The following KANK4 variants were observed in gnomAD, a reference collection of about 807,000 sequenced individuals.
KANK4 encodes KN motif and ankyrin repeat domains 4.
Under a neutral mutation model 80.8 loss-of-function variants are expected in KANK4, and 50 were observed. That is an observed-to-expected ratio of 0.62 (90% CI 0.49 to 0.78). KANK4 has a LOEUF of 0.78. Ranked by LOEUF, KANK4 falls within the 30% of genes least tolerant of loss-of-function variation. The pLI is 0.00. For synonymous variants in KANK4, 465 were observed against 506.9 expected (o/e 0.92, Z 1.11); for missense variants, 1,196 against 1,240.1 (o/e 0.96, Z 0.53).
chr1:62,301,283 T>A (rs1285620542), intron 1 of KANK4, among the ~76,000 whole-genome samples: 1 of 152,028 alleles, frequency 6.6e-6, no homozygotes, highest in South Asian at 2.1e-4. Context: ...TATGTGGAAA[T>A]GTGTGCACGC....
At chr1:62,283,693 G>C (rs1672500392) in intron 1 of KANK4, among the ~76,000 whole-genome samples, 1 of 152,144 alleles carries the variant, frequency 6.6e-6, no homozygotes, top group East Asian at 1.9e-4. Flanking sequence ...CTTCTCCAAG[G>C]CTGGAGAAGC....
intron 1 of KANK4, among the ~76,000 whole-genome samples, chr1:62,317,128 A>T (rs1644548561): frequency 6.6e-6 from 1 of 152,148 alleles, no homozygotes; most frequent in African/African-American, 2.4e-5. Flanking sequence ...GGGCCGGGAA[A>T]GTGTTAGAGC....
intron 1 of KANK4, among the ~76,000 whole-genome samples, chr1:62,299,785 T>A (rs887712122): frequency 1.3e-5 from 2 of 150,932 alleles, no homozygotes; most frequent in Non-Finnish European, 3.0e-5. Flanking sequence ...TTGAAATTTG[T>A]AGGTAGGATG....
At chr1:62,291,655 T>C (rs978059566) in intron 1 of KANK4, among the ~76,000 whole-genome samples, 1 of 152,138 alleles carries the variant, frequency 6.6e-6, no homozygotes, top group African/African-American at 2.4e-5. Flanking sequence ...TCACCTAGGC[T>C]GGAGTGCAAT....
intron 7 of KANK4, among the ~76,000 whole-genome samples, chr1:62,255,085 C>T (rs2149126166): frequency 6.6e-6 from 1 of 151,862 alleles, no homozygotes; most frequent in South Asian, 2.1e-4. Context: ...CCGGGTTTCA[C>T]CATGTTGGTC....
chr1:62,299,456 A>G (rs1217189561), intron 1 of KANK4, among the ~76,000 whole-genome samples: 1 of 152,108 alleles, frequency 6.6e-6, no homozygotes, highest in African/African-American at 2.4e-5. Context: ...ATGACCCCAC[A>G]ACATGGCACA....
chr1:62,302,921 G>A (rs1644423339), intron 1 of KANK4, among the ~76,000 whole-genome samples: 2 of 152,072 alleles, frequency 1.3e-5, no homozygotes, highest in African/African-American at 4.8e-5. Context: ...TTACCCAAAG[G>A]GCCAGTCTGC....
intron 8 of KANK4, among the ~76,000 whole-genome samples, chr1:62,248,532 C>T (rs1033474524): frequency 1.5e-5 from 2 of 133,970 alleles, no homozygotes; most frequent in Non-Finnish European, 3.1e-5. Flanking sequence ...CTCAATATAC[C>T]TGGTTAGTTT....
chr1:62,301,136 G>A (rs1644408399), intron 1 of KANK4, among the ~76,000 whole-genome samples: 1 of 152,024 alleles, frequency 6.6e-6, no homozygotes, highest in Non-Finnish European at 1.5e-5. Flanking sequence ...CATGTGCTGG[G>A]AACACAGTAG....
At chr1:62,282,821 G>T (rs1034896078) in intron 1 of KANK4, among the ~76,000 whole-genome samples, 1 of 152,248 alleles carries the variant, frequency 6.6e-6, no homozygotes, top group African/African-American at 2.4e-5. Context: ...TCTAGAAGCA[G>T]AGACAATCCT....
At chr1:62,252,770 G>A (rs1671653605) in intron 8 of KANK4, among the ~76,000 whole-genome samples, 1 of 152,254 alleles carries the variant, frequency 6.6e-6, no homozygotes, top group South Asian at 2.1e-4. Flanking sequence ...TCTCAAGATG[G>A]CAACTGGGAA....
chr1:62,312,006 T>A (rs1023622674), intron 1 of KANK4, among the ~76,000 whole-genome samples: 1 of 152,176 alleles, frequency 6.6e-6, no homozygotes, highest in Non-Finnish European at 1.5e-5. Flanking sequence ...TTAACCTTTT[T>A]TGTGCCTTCA....
At chr1:62,298,926 A>G (rs922883164) in intron 1 of KANK4, among the ~76,000 whole-genome samples, 1 of 119,660 alleles carries the variant, frequency 8.4e-6, no homozygotes, top group East Asian at 2.1e-4. Context: ...CTATGTCTCT[A>G]TGTATTATTT....
At position 62,294,347 on chromosome 1, in the gene KANK4, G is replaced by A. The variant is rs113438219; in HGVS notation, c.-70-12713C>T. 5.7e-3 allele frequency among the ~76,000 whole-genome samples: 872 copies of A among 152,236 alleles called. 5 individuals carry two copies. Among genetic ancestry groups the A allele is most frequent in the African/African-American group, 0.02 (812 of 41,546 alleles). Reference sequence around the variant, plus strand: ...TTCCTCCCTCCTGGGTCACTTCAGCGAAAGCCTCTCAAGGGTAGGCACAAA... The same window carrying A: ...TTCCTCCCTCCTGGGTCACTTCAGCAAAAGCCTCTCAAGGGTAGGCACAAA... On this transcript the variant is annotated intron_variant, in intron 1 of 9. Transcript: ENST00000371153.
At chr1:62,256,679 G>A (rs1671760500) in intron 7 of KANK4, among the ~76,000 whole-genome samples, 1 of 152,124 alleles carries the variant, frequency 6.6e-6, no homozygotes, top group African/African-American at 2.4e-5. Flanking sequence ...CGTCGCGCCT[G>A]GCTACCCCAT....
intron 7 of KANK4, among the ~76,000 whole-genome samples, chr1:62,258,810 C>A (rs923442032): frequency 1.3e-5 from 2 of 152,096 alleles, no homozygotes; most frequent in South Asian, 2.1e-4. Context: ...GTAGGGGCAG[C>A]CACTTTAGAC....
intron 1 of KANK4, among the ~76,000 whole-genome samples, chr1:62,302,260 G>A (rs928647975): frequency 5.3e-5 from 8 of 151,946 alleles, no homozygotes; most frequent in Non-Finnish European, 8.8e-5. Flanking sequence ...TCTGGGAAAG[G>A]CGAGCATGTT....
At chr1:62,294,732 A>G (rs571455456) in intron 1 of KANK4, among the ~76,000 whole-genome samples, 1 of 152,246 alleles carries the variant, frequency 6.6e-6, no homozygotes, top group South Asian at 2.1e-4. Context: ...TGGCAAGTTC[A>G]GTCTGACAAG....
chr1:62,270,419 T>C (rs546354095), intron 4 of KANK4, among the ~76,000 whole-genome samples: 1 of 151,666 alleles, frequency 6.6e-6, no homozygotes, highest in African/African-American at 2.4e-5. Context: ...TCTCGCTCTG[T>C]CACCCAGGAT....
Sources: allele counts gnomAD v4.1 joint callset (sites outside exome capture counted in the v4.1 genomes callset), GRCh38; gene constraint gnomAD v4.1.1; transcripts MANE v1.5; gene names NCBI Gene and HGNC (gene_info 2026-07-23, HGNC 2026-07-21).